Variants in AGBL3 observed in about 807,000 individuals in gnomAD.
The protein encoded by AGBL3 is AGBL carboxypeptidase 3.
A neutral mutation model predicts 94.5 loss-of-function variants in AGBL3; 68 were observed. The ratio of observed to expected loss-of-function variants is 0.72; its 90% confidence interval spans 0.59 to 0.88. The LOEUF (loss-of-function observed/expected upper bound fraction) is 0.88. Ranked by LOEUF, AGBL3 falls within the 40% of genes least tolerant of loss-of-function variation. AGBL3 has a pLI of 0.00. For synonymous variants in AGBL3, 354 were observed against 370.7 expected, an observed-to-expected ratio of 0.95 and a Z score of 0.52; for missense variants, 934 against 1,103.8, an observed-to-expected ratio of 0.85 and a Z score of 2.18.
chr7:135,011,638 C>T (rs897582245), intron 4 of AGBL3: 6 of 152,028 alleles, frequency 3.9e-5, no homozygotes, highest in African/African-American at 1.2e-4. Flanking sequence ...ATTCACATGG[C>T]CAATAAACAT....
Position 135,095,843 on chromosome 7 carries a change from A to G in AGBL3, c.2110+14053A>G, listed in dbSNP as rs74811174. 4.9e-3 allele frequency among the ~76,000 whole-genome samples: 746 copies of G among 152,270 alleles called. 26 individuals carry two copies. The East Asian group carries it at 0.06, about 12-fold the overall frequency. The stretch of plus-strand genomic sequence containing the variant: ...TGAAGTGCAACTTAAGTGTGTTGCA[A>G]TCTGGAGTGCTAACAATTCATCTTT... On this transcript the variant is annotated intron_variant, in intron 15 of 16. Coordinates refer to ENST00000436302, the MANE Select transcript of AGBL3 (RefSeq NM_178563.4).
intron 8 of AGBL3, among the ~76,000 whole-genome samples, chr7:135,043,158 C>A (rs1817030293): frequency 6.6e-6 from 1 of 151,916 alleles, no homozygotes. Flanking sequence ...AAATTTTATC[C>A]CAACAGCATC....
intron 8 of AGBL3, among the ~76,000 whole-genome samples, chr7:135,037,941 T>C (rs991474854): frequency 6.6e-6 from 1 of 152,130 alleles, no homozygotes; most frequent in Non-Finnish European, 1.5e-5. Context: ...AAATGTATAT[T>C]CTTAAGAAAT....
intron 16 of AGBL3, chr7:135,129,127 T>TA (rs1828366207): frequency 3.3e-6 from 5 of 1,535,232 alleles, no homozygotes; most frequent in Non-Finnish European, 3.6e-6. Context: ...GAAGCAGAGT[T>TA]ATTTGCCTAT....
chr7:135,067,619 A>C (rs1390819359), intron 12 of AGBL3, among the ~76,000 whole-genome samples: 1 of 152,234 alleles, frequency 6.6e-6, no homozygotes, highest in Admixed American at 6.5e-5. Context: ...GCTGATACCC[A>C]GGCAAACAGG....
At chr7:135,130,970 C>G (rs1480702730) in intron 16 of AGBL3, among the ~76,000 whole-genome samples, 1 of 152,108 alleles carries the variant, frequency 6.6e-6, no homozygotes, top group East Asian at 1.9e-4. Context: ...AGCTTGAGAA[C>G]ATATTGTTTT....
At chr7:135,007,176 C>T (rs1157292329) in intron 4 of AGBL3, among the ~76,000 whole-genome samples, 5 of 151,884 alleles carry the variant, frequency 3.3e-5, no homozygotes, top group Admixed American at 1.3e-4. Context: ...GGAAGGAATG[C>T]TTCCCCATTC....
intron 5 of AGBL3, among the ~76,000 whole-genome samples, chr7:135,026,694 A>G (rs939447557): frequency 9.9e-5 from 15 of 150,950 alleles, no homozygotes; most frequent in Non-Finnish European, 2.2e-4. Flanking sequence ...ACTTAGAATA[A>G]CTCCCCGTTT....
At chr7:135,046,879 G>A (rs750800781) in intron 11 of AGBL3, among the ~76,000 whole-genome samples, 1 of 151,978 alleles carries the variant, frequency 6.6e-6, no homozygotes, top group South Asian at 2.1e-4. Context: ...AATATGTTTC[G>A]TGGCTTTTCT....
chr7:135,115,503 A>C lies in AGBL3; in HGVS notation c.2234A>C (p.Gln745Pro). The change falls in exon 16 of 17, where the codon CAA (glutamine) becomes CCA (proline). Residue 745 changes from glutamine (Q) to proline (P), a missense_variant. Coordinates refer to ENST00000436302, the MANE Select transcript of AGBL3 (RefSeq NM_178563.4). ...SYKDKGIVQT[Q>P]EILQYLLPIV... Reference sequence around the variant, plus strand: ...AAGGATAAAGGAATAGTTCAAACTCAAGAAATATTGCAGTATTTGCTCCCC... The same window carrying C: ...AAGGATAAAGGAATAGTTCAAACTCCAGAAATATTGCAGTATTTGCTCCCC... 1 of 1,551,366 alleles carries C rather than the reference A, an allele frequency of 6.4e-7. No homozygotes were observed. Among genetic ancestry groups the C allele is most frequent in the Non-Finnish European group, 8.7e-7 (1 of 1,146,712 alleles).
chr7:135,039,428 G>A (rs188401573), intron 8 of AGBL3, among the ~76,000 whole-genome samples: 1 of 151,694 alleles, frequency 6.6e-6, no homozygotes, highest in Admixed American at 6.6e-5. Flanking sequence ...TGTATAGCAA[G>A]AAATGCTTAT....
At chr7:135,077,366 C>T (rs1001033955) in intron 13 of AGBL3, among the ~76,000 whole-genome samples, 4 of 152,100 alleles carry the variant, frequency 2.6e-5, no homozygotes, top group African/African-American at 9.7e-5. Context: ...ATGGAGGAAA[C>T]CTAAGTCTAC....
At chr7:135,018,605 A>C (rs1814077484) in intron 5 of AGBL3, among the ~76,000 whole-genome samples, 1 of 152,232 alleles carries the variant, frequency 6.6e-6, no homozygotes, top group Non-Finnish European at 1.5e-5. Flanking sequence ...TGAGGATGAA[A>C]AAAAGTCTTG....
At chr7:135,029,379 A>T (rs1815485740) in intron 5 of AGBL3, among the ~76,000 whole-genome samples, 1 of 152,226 alleles carries the variant, frequency 6.6e-6, no homozygotes, top group African/African-American at 2.4e-5. Flanking sequence ...AAGTTTCTGC[A>T]TCATCACTTG....
At chr7:135,028,602 G>A (rs1815400895) in intron 5 of AGBL3, among the ~76,000 whole-genome samples, 1 of 152,172 alleles carries the variant, frequency 6.6e-6, no homozygotes, top group Admixed American at 6.5e-5. Flanking sequence ...CTCCAGTGAA[G>A]TTGTGTAGCC....
At chr7:134,988,097 G>A in intron 2 of AGBL3, 101 bp downstream of exon 2, 1 of 936,950 alleles carries the variant, frequency 1.1e-6, no homozygotes. Context: ...AAATCAATTG[G>A]ATGTTTAAAT....
At chr7:135,080,753 T>TC (rs1820847501) in intron 14 of AGBL3, among the ~76,000 whole-genome samples, 1 of 151,454 alleles carries the variant, frequency 6.6e-6, no homozygotes, top group South Asian at 2.1e-4. Flanking sequence ...TGTTTTTTTT[T>TC]TTTTTTCTTA....
At chr7:135,032,739 A>T (rs749081162) in intron 5 of AGBL3, 105 bp from the exon 6 acceptor site, 62 of 1,113,598 alleles carry the variant, frequency 5.6e-5, no homozygotes, top group Non-Finnish European at 7.0e-5. Flanking sequence ...AGTTACTTTA[A>T]AATTTACAAT....
chr7:135,056,882 T>C (rs936300308), intron 11 of AGBL3, among the ~76,000 whole-genome samples: 54 of 152,134 alleles, frequency 3.5e-4, no homozygotes, highest in African/African-American at 1.0e-3. Flanking sequence ...ATAGACAAAC[T>C]AATTCTAAAA....
Sources: gnomAD v4.1 joint callset for allele counts (sites outside exome capture counted in the v4.1 genomes callset) on GRCh38, gnomAD v4.1.1 for gene constraint, MANE v1.5 for transcripts, NCBI Gene and HGNC (gene_info 2026-07-23, HGNC 2026-07-21) for gene names.